The following DECR1 variants were observed in gnomAD, a reference collection of about 807,000 sequenced individuals.
DECR1 encodes the protein 2,4-dienoyl-CoA reductase [(3E)-enoyl-CoA-producing], mitochondrial.
Under a neutral mutation model 38.8 loss-of-function variants are expected in DECR1, and 44 were observed. The ratio of observed to expected loss-of-function variants is 1.13; its 90% CI spans 0.89 to 1.46. DECR1 has a LOEUF of 1.46. Among genes scored for constraint, DECR1 ranks in the 40% most tolerant of loss-of-function variants. DECR1 has a pLI of 0.00. For missense variants in DECR1, 428 were observed against 405.5 expected (o/e 1.06, Z -0.48); for synonymous variants, 148 against 135.2 (o/e 1.09, Z -0.66).
At chr8:90,027,764 G>GT (rs777623877) in intron 5 of DECR1, among the ~76,000 whole-genome samples, 44 of 149,148 alleles carry the variant, frequency 3.0e-4, no homozygotes, top group South Asian at 4.2e-4. Flanking sequence ...TGTGATTATA[G>GT]TTTTTTTTTT....
At chr8:90,019,858 A>G (rs1036493309) in intron 4 of DECR1, among the ~76,000 whole-genome samples, 1 of 152,222 alleles carries the variant, frequency 6.6e-6, no homozygotes. Context: ...AGGAATACTT[A>G]AAGAATCCAT....
intron 1 of DECR1, 27 bp downstream of exon 1, chr8:90,001,588 G>A: frequency 6.2e-7 from 1 of 1,604,896 alleles, no homozygotes; most frequent in African/African-American, 1.3e-5. Flanking sequence ...CGCGGGGAGC[G>A]AGGACAGGGC....
intron 1 of DECR1, among the ~76,000 whole-genome samples, chr8:90,004,821 G>T (rs1202373637): frequency 1.3e-5 from 2 of 152,186 alleles, no homozygotes; most frequent in African/African-American, 4.8e-5. Context: ...GAATGAACGT[G>T]TGTACTGTGT....
intron 1 of DECR1, among the ~76,000 whole-genome samples, chr8:90,007,911 TAAGTCTAGAATAC>T (rs1267481983): frequency 6.6e-6 from 1 of 152,220 alleles, no homozygotes; most frequent in African/African-American, 2.4e-5. Context: ...TAATGATAAG[TAAGTCTAGAATAC>T]AAGGTCAACT....
chr8:90,010,958 T>G (rs1447208875), intron 1 of DECR1, among the ~76,000 whole-genome samples: 2 of 152,160 alleles, frequency 1.3e-5, no homozygotes, highest in African/African-American at 4.8e-5. Flanking sequence ...GAAAAAAAAT[T>G]TATGAACATG....
chr8:90,048,937 A>G (rs1299025989), intron 8 of DECR1, among the ~76,000 whole-genome samples: 1 of 152,194 alleles, frequency 6.6e-6, no homozygotes, highest in Non-Finnish European at 1.5e-5. Flanking sequence ...AAAGACAAAA[A>G]CCACATGATT....
intron 5 of DECR1, among the ~76,000 whole-genome samples, chr8:90,025,332 T>C (rs1303247065): frequency 2.0e-5 from 3 of 152,308 alleles, no homozygotes; most frequent in East Asian, 3.9e-4. Flanking sequence ...ATTTTCATGA[T>C]ATTGATTCTT....
rs530487941 is a variant in DECR1 at position 90,046,308 on chromosome 8, T to C, written c.885+1313T>C. Reference sequence around the variant, plus strand: ...AAAACCTTGATAAAAGATTAGATGATGGCTAACTAGAATAAACAGCATAGA... The same window carrying C: ...AAAACCTTGATAAAAGATTAGATGACGGCTAACTAGAATAAACAGCATAGA... On this transcript the variant is annotated intron_variant, in intron 8 of 9. Coordinates refer to ENST00000220764, the MANE Select transcript of DECR1 (RefSeq NM_001359.2). Among the ~76,000 whole-genome samples, 14 of 152,268 alleles carry C rather than the reference T, an allele frequency of 9.2e-5. No individual in the cohort carries two copies. In the South Asian group the frequency reaches 1.9e-3, roughly 20 times the overall value.
intron 1 of DECR1, among the ~76,000 whole-genome samples, chr8:90,008,378 C>T (rs1003051639): frequency 6.6e-6 from 1 of 152,180 alleles, no homozygotes; most frequent in African/African-American, 2.4e-5. Context: ...TTCTACTGCC[C>T]TCGGTATCTC....
intron 1 of DECR1, among the ~76,000 whole-genome samples, chr8:90,011,349 A>G (rs929163315): frequency 2.0e-5 from 3 of 152,214 alleles, no homozygotes; most frequent in Admixed American, 2.0e-4. Flanking sequence ...TTCATTGGCT[A>G]TGTCCCCTAA....
rs116214266 is a variant in DECR1, at chr8:90,044,582, T to C, written c.739-267T>C. 9.4e-3 allele frequency among the ~76,000 whole-genome samples: 1,438 copies of C among 152,338 alleles called. 22 individuals are homozygous for C. The highest frequency in any genetic ancestry group is 0.034 in the African/African-American group (1,393 of 41,570). ...ATATTTCAGGATACCTTTATATACA[T>C]TTTTTCATTTGATGCTTATAACAAT... On this transcript the variant is annotated intron_variant, in intron 7 of 9. Coordinates refer to ENST00000220764, the MANE Select transcript of DECR1 (RefSeq NM_001359.2).
chr8:90,041,282 G>A (rs963531781), intron 6 of DECR1, among the ~76,000 whole-genome samples: 2 of 152,022 alleles, frequency 1.3e-5, no homozygotes, highest in Non-Finnish European at 2.9e-5. Context: ...TTTGAGAAGC[G>A]TCTGTTCATA....
In DECR1 at chr8:90,052,517, G is replaced by A. The variant is rs116877427; in HGVS notation, c.*620G>A. Among the ~76,000 whole-genome samples, 5,572 of 152,060 alleles carry A rather than the reference G, an allele frequency of 0.037. 130 individuals carry two copies. Among genetic ancestry groups the A allele is most frequent in the Admixed American group, 0.054 (820 of 15,248 alleles). On this transcript the variant is annotated 3_prime_UTR_variant, in exon 10 of 10. Coordinates refer to ENST00000220764, the MANE Select transcript of DECR1 (RefSeq NM_001359.2). Reference sequence around the variant, plus strand: ...GTCAAACTTATAAATAATTATTTATGATACATTGTGATAAGTATTATTCCA... The same window carrying A: ...GTCAAACTTATAAATAATTATTTATAATACATTGTGATAAGTATTATTCCA...
intron 8 of DECR1, among the ~76,000 whole-genome samples, chr8:90,050,442 A>G (rs1207370399): frequency 6.6e-6 from 1 of 152,246 alleles, no homozygotes; most frequent in Non-Finnish European, 1.5e-5. Flanking sequence ...ATCACTGGCC[A>G]TCAGAGAAAT....
chr8:90,024,278 T>G (rs1294022947), intron 5 of DECR1, among the ~76,000 whole-genome samples: 1 of 152,204 alleles, frequency 6.6e-6, no homozygotes, highest in African/African-American at 2.4e-5. Flanking sequence ...TTCTAGATCC[T>G]TGAGGAATAG....
chr8:90,026,169 T>A (rs760782435), intron 5 of DECR1, among the ~76,000 whole-genome samples: 166 of 152,218 alleles, frequency 1.1e-3, no homozygotes, highest in Non-Finnish European at 1.7e-3. Context: ...ATCAGGGATA[T>A]TGGTCTAAAA....
chr8:90,017,398 C>T, intron 2 of DECR1, 72 bp downstream of exon 2: 2 of 1,185,694 alleles, frequency 1.7e-6, no homozygotes, highest in Admixed American at 2.4e-5. Flanking sequence ...ATTGAAAACA[C>T]TGTTCGCCAG....
rs370941960 is a variant in DECR1, at chr8:90,017,617, A to T, written c.272+291A>T. Among the ~76,000 whole-genome samples, 9 of 152,308 alleles carry T rather than the reference A, an allele frequency of 5.9e-5. No homozygotes were observed. The East Asian group carries it at 1.4e-3, about 23-fold the overall frequency. Reference sequence around the variant, plus strand: ...AGAATATTTCTTTTTCTGTACACGAAGATGAAGTTAAAAAGTACGACATGG... The same window carrying T: ...AGAATATTTCTTTTTCTGTACACGATGATGAAGTTAAAAAGTACGACATGG... On this transcript the variant is annotated intron_variant, in intron 2 of 9. Coordinates refer to ENST00000220764, the MANE Select transcript of DECR1 (RefSeq NM_001359.2).
intron 1 of DECR1, chr8:90,005,852 G>A (rs1812724611): frequency 3.2e-6 from 1 of 312,752 alleles, no homozygotes; most frequent in Admixed American, 4.4e-5. Context: ...GAAGGTGAAG[G>A]GGAGCTGGAG....
Sources: allele counts gnomAD v4.1 joint callset (sites outside exome capture counted in the v4.1 genomes callset), GRCh38; gene constraint gnomAD v4.1.1; transcripts MANE v1.5; gene names NCBI Gene and HGNC (gene_info 2026-07-23, HGNC 2026-07-21).